A1CF: variants seen among roughly 807,000 people sequenced by gnomAD.
A1CF encodes the protein APOBEC-1 stimulating protein.
Under a neutral mutation model 68.9 loss-of-function variants are expected in A1CF, and 48 were observed. The observed-to-expected ratio is 0.70, with a 90% CI of 0.55 to 0.89. The LOEUF (loss-of-function observed/expected upper bound fraction) is 0.89. Ranked by LOEUF, A1CF falls within the 40% of genes least tolerant of loss-of-function variation. The pLI is 0.00. For synonymous variants in A1CF, 272 were observed against 260.4 expected (o/e 1.04, Z -0.43); for missense variants, 653 against 718.9 (o/e 0.91, Z 1.05).
intron 1 of A1CF, among the ~76,000 whole-genome samples, chr10:50,878,080 C>T (rs565196239): frequency 6.6e-6 from 1 of 152,172 alleles, no homozygotes; most frequent in African/African-American, 2.4e-5. Context: ...TGAGATCACG[C>T]TACTACACTC....
Position 50,816,028 on chromosome 10 carries a change from A to C in A1CF, c.1119T>G (p.Ile373Met). 1 of 1,613,698 alleles carries C rather than the reference A, an allele frequency of 6.2e-7. No homozygotes were observed. ...TACCTCTAACAGAAGGGGCTCGGAT[A>C]ATGGCTCTGTTGCTGAGATGTCCTT... ...ATKGHLSNRAIIRAPSVRGAA... is the reference protein window; with the variant it reads ...ATKGHLSNRAMIRAPSVRGAA... The change falls in exon 9 of 13, where the codon ATT becomes ATG. Residue 373 changes from isoleucine to methionine, a missense_variant. Ile to Met is a conservative substitution (Grantham distance 10). Transcript: ENST00000373997.
rs147876100 is a variant in A1CF at position 50,806,607 on chromosome 10, G to A, written c.*122C>T. The stretch of plus-strand genomic sequence containing the variant: ...AATTGGTATAAGCTATACAGTCTCT[G>A]GAAAGGCATTTCTTTAGGAAACATA... On this transcript the variant is annotated 3_prime_UTR_variant, in exon 13 of 13. Coordinates refer to ENST00000373997, the MANE Select transcript of A1CF (RefSeq NM_014576.4). 107 of 880,100 alleles carry A rather than the reference G, an allele frequency of 1.2e-4. 1 individual carries two copies. In the East Asian group the frequency reaches 2.9e-3, roughly 24 times the overall value. 54.5% of individuals were successfully genotyped at this position (880,100 alleles called of 1,614,324 possible). A position where few individuals can be genotyped will look rare whatever the true frequency, so the allele number is the denominator to read the frequency against.
Position 50,814,046 on chromosome 10 carries a change from T to C in A1CF, c.1142-8A>G, listed in dbSNP as rs140762535. ...CTCTCACTCCCGCAGCCCCTACAGG[T>C]ACATTCATGTAAATTTCTAGGAACG... On this transcript the variant is annotated splice_region_variant and splice_polypyrimidine_tract_variant and intron_variant, in intron 9 of 12. Coordinates refer to ENST00000373997, the MANE Select transcript of A1CF (RefSeq NM_014576.4). 2.5e-6 allele frequency: 4 copies of C among 1,612,924 alleles called. No individual in the cohort carries two copies. The African/African-American group carries it at 5.3e-5, about 22-fold the overall frequency.
chr10:50,807,503 C>T (rs530339519), intron 12 of A1CF, among the ~76,000 whole-genome samples: 1 of 152,246 alleles, frequency 6.6e-6, no homozygotes, highest in Non-Finnish European at 1.5e-5. Flanking sequence ...ACCTTCTTAC[C>T]TCCCAAGCCC....
intron 9 of A1CF, among the ~76,000 whole-genome samples, chr10:50,815,501 C>A (rs1838321845): frequency 6.6e-6 from 1 of 152,122 alleles, no homozygotes; most frequent in South Asian, 2.1e-4. Context: ...CAGATGAGAA[C>A]ATCTCATATG....
At chr10:50,875,667 T>A (rs12248117) in intron 1 of A1CF, among the ~76,000 whole-genome samples, 1 of 152,210 alleles carries the variant, frequency 6.6e-6, no homozygotes, top group Non-Finnish European at 1.5e-5. Flanking sequence ...TATCCTTACC[T>A]GTTGCCCTCT....
At chr10:50,821,541 A>ATT (rs145573952) in intron 7 of A1CF, among the ~76,000 whole-genome samples, 45 of 149,254 alleles carry the variant, frequency 3.0e-4, no homozygotes, top group East Asian at 5.9e-4. Flanking sequence ...TTAGAGACCT[A>ATT]TTTTTTTTTT....
Position 50,850,814 on chromosome 10 carries a change from A to G in A1CF, c.100-6692T>C, listed in dbSNP as rs1245923538. On this transcript the variant is annotated intron_variant, in intron 3 of 12. Transcript: ENST00000373997. ...TATAGGAACCTCTAAATTCCTTTCA[A>G]GAAGTAATTAGGTGACAGCTTTAGT... 3.1e-6 allele frequency: 5 copies of G among 1,606,874 alleles called. No homozygotes were observed. The African/African-American group carries it at 6.7e-5, about 22-fold the overall frequency.
intron 1 of A1CF, among the ~76,000 whole-genome samples, chr10:50,880,828 A>G (rs750292052): frequency 2.0e-5 from 3 of 152,166 alleles, no homozygotes; most frequent in African/African-American, 4.8e-5. Flanking sequence ...AGATTTTATA[A>G]ACCTCTGTTC....
intron 3 of A1CF, among the ~76,000 whole-genome samples, chr10:50,855,516 T>C (rs1840438793): frequency 6.6e-6 from 1 of 151,962 alleles, no homozygotes; most frequent in Non-Finnish European, 1.5e-5. Context: ...ATCTCTTTTT[T>C]CTCTACAGTA....
At position 50,806,888 on chromosome 10, in the gene A1CF, AAGAGGCAG is replaced by A. The variant is rs777303039; in HGVS notation, c.1610-16_1610-9del. On this transcript the variant is annotated splice_polypyrimidine_tract_variant and intron_variant, in intron 12 of 12. Transcript: ENST00000373997. ...CATTAGGGACAGCATATCCTGGAGG[AAGAGGCAG>A]AGAAAACTTGATGAAAGGAATTCAC... is the stretch of plus-strand genomic sequence containing the variant. The A allele has an allele frequency of 2.0e-4, 313 of 1,596,398 alleles. 1 individual carries two copies. Among genetic ancestry groups the A allele is most frequent in the Non-Finnish European group, 2.4e-4 (282 of 1,174,708 alleles).
intron 12 of A1CF, 24 bp from the exon 13 acceptor site, chr10:50,806,904 TTGA>T (rs753272755): frequency 6.3e-6 from 10 of 1,592,086 alleles, no homozygotes; most frequent in Non-Finnish European, 7.7e-6. Context: ...CAGAGAAAAC[TTGA>T]TGAAAGGAAT....
chr10:50,823,985 G>A (rs951420423), intron 7 of A1CF: 16 of 152,214 alleles, frequency 1.1e-4, no homozygotes, highest in Admixed American at 2.0e-4. Context: ...TACTTTCCAA[G>A]ATAAACTAGT....
At chr10:50,863,653 A>T (rs534345896) in intron 2 of A1CF, among the ~76,000 whole-genome samples, 1 of 152,290 alleles carries the variant, frequency 6.6e-6, no homozygotes, top group African/African-American at 2.4e-5. Context: ...GTAATAAATA[A>T]GATCAATAAG....
chr10:50,873,801 G>C (rs116995564), intron 1 of A1CF, among the ~76,000 whole-genome samples: 3,684 of 152,030 alleles, frequency 0.024, 61 homozygotes, highest in Non-Finnish European at 0.038. Flanking sequence ...AATTAAAATA[G>C]CAAAACCTAA....
At position 50,836,760 on chromosome 10, in the gene A1CF, A is replaced by G. The variant is rs546681310; in HGVS notation, c.366-448T>C. On this transcript the variant is annotated intron_variant, in intron 5 of 12. Transcript: ENST00000373997. ...TGTGTCCAAGTGTTCTCATTGTTCA[A>G]TTCCCACCTATGAGTGAGAACATGC... Among the ~76,000 whole-genome samples, 17 of 139,196 alleles carry G rather than the reference A, an allele frequency of 1.2e-4. 1 individual carries two copies. In the East Asian group the frequency reaches 2.0e-3, roughly 16 times the overall value. 91.3% of individuals were successfully genotyped at this position (139,196 alleles called of 152,430 possible). A position where few individuals can be genotyped will look rare whatever the true frequency, so the allele number is the denominator to read the frequency against.
intron 5 of A1CF, among the ~76,000 whole-genome samples, chr10:50,838,195 T>C (rs564510340): frequency 5.0e-4 from 76 of 152,038 alleles, no homozygotes; most frequent in Non-Finnish European, 1.5e-4. Context: ...TGGCTCTTGG[T>C]TGTGTGGCAG....
At chr10:50,848,802 G>A (rs1463407007) in intron 3 of A1CF, among the ~76,000 whole-genome samples, 1 of 151,802 alleles carries the variant, frequency 6.6e-6, no homozygotes, top group Admixed American at 6.6e-5. Flanking sequence ...TGTTCCCTTG[G>A]GTCCTAGCCA....
At chr10:50,809,028 A>T (rs1244228142) in intron 12 of A1CF, among the ~76,000 whole-genome samples, 1 of 152,042 alleles carries the variant, frequency 6.6e-6, no homozygotes, top group Non-Finnish European at 1.5e-5. Flanking sequence ...AAAAAAGGAT[A>T]AAAAATTTTC....
Sources: allele counts gnomAD v4.1 joint callset (sites outside exome capture counted in the v4.1 genomes callset), GRCh38; gene constraint gnomAD v4.1.1; transcripts MANE v1.5; gene names NCBI Gene and HGNC (gene_info 2026-07-23, HGNC 2026-07-21).